Variants in KIF2C observed in about 807,000 individuals in gnomAD.
KIF2C encodes kinesin-like protein KIF2C.
A neutral mutation model predicts 97.4 loss-of-function variants in KIF2C; 34 were observed. The ratio of observed to expected loss-of-function variants is 0.35; its 90% CI spans 0.27 to 0.46. The LOEUF is 0.46. Ranked by LOEUF, KIF2C falls within the 20% of genes least tolerant of loss-of-function variation. The pLI is 1.00. For synonymous variants in KIF2C, 313 were observed against 318.2 expected, an observed-to-expected ratio of 0.98 and a Z score of 0.17; for missense variants, 750 against 907.6, an observed-to-expected ratio of 0.83 and a Z score of 2.23.
Position 44,744,145 on chromosome 1 carries a change from A to T in KIF2C, c.165+3138A>T, listed in dbSNP as rs185642400. On this transcript the variant is annotated intron_variant, in intron 2 of 20. Coordinates refer to ENST00000372224, the MANE Select transcript of KIF2C (RefSeq NM_006845.4). The stretch of plus-strand genomic sequence containing the variant: ...TCACTCTATCGCCAGGCTGGAGTGC[A>T]GTGGCACGATCTCCCTCAGTGAGCC... Among the ~76,000 whole-genome samples, 496 of 151,502 alleles carry T rather than the reference A, an allele frequency of 3.3e-3. 4 individuals are homozygous for T. The highest frequency in any genetic ancestry group is 0.011 in the African/African-American group (473 of 41,222).
At chr1:44,746,967 A>G (rs1430607289) in intron 2 of KIF2C, among the ~76,000 whole-genome samples, 2 of 151,374 alleles carry the variant, frequency 1.3e-5, no homozygotes, top group African/African-American at 2.4e-5. Context: ...GCTCAATCTC[A>G]GCTCAATGCA....
chr1:44,756,125 CT>C lies in KIF2C; in HGVS notation c.866del (p.Leu289ProfsTer8), dbSNP rs752644457. ...GATTTCCATTCCTAGCAAGTGTCTC[CT>C]CTTGGTACATGAACCCAAGTTGAAA... is the stretch of plus-strand genomic sequence containing the variant. ...DVISIPSKCL[L>X]LVHEPKLKVD... On this transcript the variant is annotated frameshift_variant, in exon 10 of 21. Coordinates refer to ENST00000372224, the MANE Select transcript of KIF2C (RefSeq NM_006845.4). LOFTEE classifies it high-confidence loss of function. 6.2e-7 allele frequency: 1 copy of C among 1,614,114 alleles called. No homozygotes were observed. The highest frequency in any genetic ancestry group is 1.3e-5 in the African/African-American group (1 of 74,938).
chr1:44,759,446 T>C, intron 14 of KIF2C, 98 bp downstream of exon 14: 1 of 1,488,384 alleles, frequency 6.7e-7, no homozygotes, highest in East Asian at 2.3e-5. Flanking sequence ...GAGTGCTGCT[T>C]TGCCCAGTTT....
intron 2 of KIF2C, among the ~76,000 whole-genome samples, chr1:44,741,758 G>C (rs1321296491): frequency 1.3e-5 from 2 of 152,086 alleles, no homozygotes; most frequent in Non-Finnish European, 2.9e-5. Context: ...GGAGGCCGAG[G>C]TGGGCAGATC....
In KIF2C at chr1:44,755,431, A is replaced by G. The variant is rs111862792; in HGVS notation, c.760-498A>G. Among the ~76,000 whole-genome samples the G allele has an allele frequency of 2.7e-3, 416 of 152,084 alleles. 2 individuals are homozygous for G. Among genetic ancestry groups the G allele is most frequent in the African/African-American group, 9.5e-3 (396 of 41,484 alleles). ...CAGGCATGTGCCACCACGCCTAGGT[A>G]ATTTTTGTATTTTTAGTAGAGATGG... On this transcript the variant is annotated intron_variant, in intron 8 of 20. Coordinates refer to ENST00000372224, the MANE Select transcript of KIF2C (RefSeq NM_006845.4).
chr1:44,742,742 CTG>C (rs1648999845), intron 2 of KIF2C, among the ~76,000 whole-genome samples: 1 of 144,708 alleles, frequency 6.9e-6, no homozygotes, highest in Non-Finnish European at 1.5e-5. Context: ...AAAAAACAAA[CTG>C]CACAGAATTT....
At chr1:44,756,919 T>G (rs1308258560) in intron 10 of KIF2C, among the ~76,000 whole-genome samples, 1 of 151,414 alleles carries the variant, frequency 6.6e-6, no homozygotes, top group South Asian at 2.1e-4. Flanking sequence ...TTATTTTTAT[T>G]TATTTATTTG....
At chr1:44,756,790 G>T (rs1310097161) in intron 10 of KIF2C, among the ~76,000 whole-genome samples, 1 of 151,836 alleles carries the variant, frequency 6.6e-6, no homozygotes, top group African/African-American at 2.4e-5. Context: ...GACCTCAGGT[G>T]ATCCGCTCGC....
At chr1:44,757,762 A>AGATAGC (rs1649918649) in intron 11 of KIF2C, 116 bp downstream of exon 11, 3 of 1,093,824 alleles carry the variant, frequency 2.7e-6, no homozygotes, top group African/African-American at 3.1e-5. Flanking sequence ...CCCCATCACC[A>AGATAGC]GATAGCCTTG....
At position 44,739,875 on chromosome 1, in the gene KIF2C, G is replaced by A. The variant is rs567695388; in HGVS notation, c.-58G>A. The A allele has an allele frequency of 1.3e-6, 2 of 1,504,834 alleles. No individual in the cohort carries two copies. Among genetic ancestry groups the A allele is most frequent in the South Asian group, 1.1e-5 (1 of 88,838 alleles). 93.2% of individuals were successfully genotyped at this position (1,504,834 alleles called of 1,614,324 possible). A position where few individuals can be genotyped will look rare whatever the true frequency, so the allele number is the denominator to read the frequency against. On this transcript the variant is annotated 5_prime_UTR_variant, in exon 1 of 21. Coordinates refer to ENST00000372224, the MANE Select transcript of KIF2C (RefSeq NM_006845.4). ...TTACGCGGCGTTAAGACTTCGTAGG[G>A]TTAGCGAAATTGAGGTTTCTTGGTA...
Position 44,762,002 on chromosome 1 carries a change from A to G in KIF2C, c.1751+19A>G. On this transcript the variant is annotated intron_variant, in intron 17 of 20. Transcript: ENST00000372224. The stretch of plus-strand genomic sequence containing the variant: ...CAGACAGGTACTAGTACCTACAGCT[A>G]GGTGGGATGCGGAACAGGACTGGGC... 6.2e-7 allele frequency: 1 copy of G among 1,608,978 alleles called. No homozygotes were observed. Among genetic ancestry groups the G allele is most frequent in the Non-Finnish European group, 8.5e-7 (1 of 1,175,272 alleles).
At chr1:44,741,413 G>C (rs956252626) in intron 2 of KIF2C, among the ~76,000 whole-genome samples, 14 of 151,506 alleles carry the variant, frequency 9.2e-5, no homozygotes. Flanking sequence ...GGCTGGGTGC[G>C]GTGGCTCTTG....
chr1:44,754,798 G>C lies in KIF2C; in HGVS notation c.712G>C (p.Glu238Gln), dbSNP rs1201258619. ...CTGGGAATTTGCCCGAATGATTAAA[G>C]AATTTCGGGCTACTTTGGAATGTCA... ...PNWEFARMIK[E>Q]FRATLECHPL... The change falls in exon 8 of 21, where the codon GAA (glutamate) becomes CAA (glutamine). Residue 238 changes from glutamate (E) to glutamine (Q), a missense_variant. Glu to Gln is a conservative substitution (Grantham distance 29, BLOSUM62 2). Coordinates refer to ENST00000372224, the MANE Select transcript of KIF2C (RefSeq NM_006845.4). The C allele has an allele frequency of 1.2e-6, 2 of 1,613,706 alleles. No individual in the cohort carries two copies. Among genetic ancestry groups the C allele is most frequent in the Middle Eastern group, 1.6e-4 (1 of 6,062 alleles).
rs1649817525 is a variant in KIF2C, at chr1:44,756,165, A to G, written c.905A>G (p.Lys302Arg). The G allele has an allele frequency of 6.2e-7, 1 of 1,614,114 alleles. No homozygotes were observed. The highest frequency in any genetic ancestry group is 1.1e-5 in the South Asian group (1 of 91,084). The part of the protein sequence containing the change: ...HEPKLKVDLT[K>R]YLENQAFCFD... ...CCCAAGTTGAAAGTGGACTTAACAA[A>G]GTATCTGGAGAACCAAGCATTCTGC... Residue 302 changes from lysine to arginine, a missense_variant, in exon 10 of 21, where the codon AAG (lysine) becomes AGG (arginine). Transcript: ENST00000372224.
chr1:44,762,506 C>T (rs754157807), intron 18 of KIF2C, 39 bp from the exon 19 acceptor site: 4 of 1,609,686 alleles, frequency 2.5e-6, no homozygotes, highest in South Asian at 1.1e-5. Flanking sequence ...TGAGGCGGCA[C>T]CTGGGTCACA....
At chr1:44,764,261 C>T (rs938848733) in intron 19 of KIF2C, among the ~76,000 whole-genome samples, 11 of 152,132 alleles carry the variant, frequency 7.2e-5, no homozygotes, top group African/African-American at 1.4e-4. Flanking sequence ...CTGCAGCCTC[C>T]GCCTCCTGGG....
rs746832019 is a variant in KIF2C, at chr1:44,759,361, G to A, written c.1367+13G>A. ...GCAGCGCCTGCAGGTGAGAGTCCTG[G>A]TGAGGGGAAGGAGCGACCTTCTCAT... is the stretch of plus-strand genomic sequence containing the variant. On this transcript the variant is annotated intron_variant, in intron 14 of 20. Transcript: ENST00000372224. The A allele has an allele frequency of 3.9e-5, 63 of 1,613,914 alleles. No individual in the cohort carries two copies. The highest frequency in any genetic ancestry group is 4.9e-5 in the Non-Finnish European group (58 of 1,179,906).
At chr1:44,764,367 G>T (rs1053293708) in intron 19 of KIF2C, among the ~76,000 whole-genome samples, 1 of 151,912 alleles carries the variant, frequency 6.6e-6, no homozygotes, top group South Asian at 2.1e-4. Context: ...AGTAGAGATG[G>T]GGTTTTACCA....
At chr1:44,747,001 A>AAGG (rs1338661056) in intron 2 of KIF2C, among the ~76,000 whole-genome samples, 5 of 151,420 alleles carry the variant, frequency 3.3e-5, no homozygotes, top group Admixed American at 6.6e-5. Context: ...GGATTCCAGC[A>AAGG]ATTCTCCCGC....
Sources: gnomAD v4.1 joint callset for allele counts (sites outside exome capture counted in the v4.1 genomes callset) on GRCh38, gnomAD v4.1.1 for gene constraint, MANE v1.5 for transcripts, NCBI Gene and HGNC (gene_info 2026-07-23, HGNC 2026-07-21) for gene names.